The following ESRRG variants were observed in gnomAD, a reference collection of about 807,000 sequenced individuals.
ESRRG encodes the protein estrogen related receptor gamma.
ESRRG carries 13 observed loss-of-function variants against 44.0 expected under a neutral mutation model. That is an observed-to-expected ratio of 0.30 (90% CI 0.19 to 0.47). The LOEUF is 0.47. Among genes scored for constraint, ESRRG ranks in the 20% least tolerant of loss-of-function variants. The pLI, the probability that ESRRG is intolerant of heterozygous loss-of-function variation, is 1.00. For synonymous variants in ESRRG, 215 were observed against 214.6 expected (o/e 1.00, Z -0.02); for missense variants, 395 against 580.6 (o/e 0.68, Z 3.29).
chr1:216,935,635 G>A (rs1351639426), intron 2 of ESRRG, among the ~76,000 whole-genome samples: 19 of 143,492 alleles, frequency 1.3e-4, no homozygotes, highest in Middle Eastern at 3.5e-3. Context: ...TTTTTTTTTG[G>A]AGATGGAGTC....
intron 3 of ESRRG, among the ~76,000 whole-genome samples, chr1:216,587,258 A>T (rs182613887): frequency 1.3e-5 from 2 of 152,224 alleles, no homozygotes; most frequent in Non-Finnish European, 2.9e-5. Context: ...TCTCTAGTGC[A>T]TTTAGTAATG....
intron 5 of ESRRG, among the ~76,000 whole-genome samples, chr1:216,530,318 C>CTATCTATCTATT (rs2048993310): frequency 2.0e-5 from 3 of 146,736 alleles, no homozygotes; most frequent in South Asian, 2.1e-4. Context: ...ATCTATCTAT[C>CTATCTATCTATT]TATCTATCTA....
chr1:216,967,086 A>G (rs1474548752), intron 1 of ESRRG, among the ~76,000 whole-genome samples: 1 of 152,092 alleles, frequency 6.6e-6, no homozygotes, highest in Non-Finnish European at 1.5e-5. Context: ...TGTTTAGAGT[A>G]GTTTTGGTGT....
intron 2 of ESRRG, among the ~76,000 whole-genome samples, chr1:216,798,644 G>C (rs914202200): frequency 5.3e-5 from 8 of 152,128 alleles, no homozygotes; most frequent in African/African-American, 1.7e-4. Context: ...TGACTGGTTA[G>C]GAGGCCTTTG....
intron 1 of ESRRG, among the ~76,000 whole-genome samples, chr1:217,002,220 T>A (rs1465405421): frequency 3.3e-5 from 5 of 150,118 alleles, no homozygotes; most frequent in Non-Finnish European, 2.9e-5. Context: ...GAGAATCTCT[T>A]GAACCCAGGA....
intron 2 of ESRRG, among the ~76,000 whole-genome samples, chr1:216,896,934 C>T (rs930901393): frequency 5.3e-5 from 8 of 152,150 alleles, no homozygotes; most frequent in African/African-American, 1.9e-4. Flanking sequence ...GTGAACATTA[C>T]ACAGGTTAAA....
At chr1:216,646,369 T>C (rs2067583984) in intron 3 of ESRRG, among the ~76,000 whole-genome samples, 1 of 152,162 alleles carries the variant, frequency 6.6e-6, no homozygotes, top group African/African-American at 2.4e-5. Context: ...TGTCTCCTGC[T>C]AAGCATGTAC....
At chr1:216,571,620 C>CTG (rs2149671243) in intron 3 of ESRRG, among the ~76,000 whole-genome samples, 1 of 152,154 alleles carries the variant, frequency 6.6e-6, no homozygotes, top group South Asian at 2.1e-4. Flanking sequence ...ACATCCCTTC[C>CTG]TGTGTGTGTG....
intron 2 of ESRRG, among the ~76,000 whole-genome samples, chr1:216,895,472 T>A (rs1016651233): frequency 6.6e-6 from 1 of 152,296 alleles, no homozygotes; most frequent in South Asian, 2.1e-4. Flanking sequence ...AACAGGGTAG[T>A]CAGTTTAAAT....
chr1:216,529,901 C>G (rs1017638346), intron 5 of ESRRG, among the ~76,000 whole-genome samples: 17 of 151,870 alleles, frequency 1.1e-4, no homozygotes, highest in African/African-American at 4.1e-4. Flanking sequence ...CACTTGAGGT[C>G]AGGAGCTCGA....
At chr1:217,001,235 T>C (rs34710011) in intron 1 of ESRRG, among the ~76,000 whole-genome samples, 25,225 of 152,138 alleles carry the variant, frequency 0.17, 2,799 homozygotes, top group Admixed American at 0.29. Context: ...TGGAACTCTG[T>C]AAAGATATAG....
At chr1:216,631,106 T>A (rs2064097837) in intron 3 of ESRRG, among the ~76,000 whole-genome samples, 1 of 151,956 alleles carries the variant, frequency 6.6e-6, no homozygotes, top group Non-Finnish European at 1.5e-5. Context: ...AAAATCCTGA[T>A]ACTTTTCTAT....
chr1:216,824,340 G>A (rs1458702177), intron 2 of ESRRG, among the ~76,000 whole-genome samples: 2 of 152,136 alleles, frequency 1.3e-5, no homozygotes, highest in African/African-American at 4.8e-5. Context: ...CAGCTACTCA[G>A]AAGGCTAAGG....
At chr1:216,936,473 G>A (rs1344904762) in intron 2 of ESRRG, among the ~76,000 whole-genome samples, 2 of 151,912 alleles carry the variant, frequency 1.3e-5, no homozygotes, top group South Asian at 4.2e-4. Flanking sequence ...CACCTTCTTA[G>A]AGACTTTGGG....
At chr1:216,562,121 T>G (rs189231362) in intron 5 of ESRRG, among the ~76,000 whole-genome samples, 2 of 152,294 alleles carry the variant, frequency 1.3e-5, no homozygotes, top group East Asian at 3.9e-4. Context: ...TGACTTTTAT[T>G]GGTTTTTATT....
intron 1 of ESRRG, among the ~76,000 whole-genome samples, chr1:216,698,113 A>G (rs535450598): frequency 6.6e-6 from 1 of 152,300 alleles, no homozygotes; most frequent in East Asian, 1.9e-4. Context: ...GTTCTTATCC[A>G]ATGCTCAGTA....
rs540409481 is a variant in ESRRG, at chr1:216,799,031, T to C, written c.-13-121540A>G. ...GCTTGGCTATACAATTTCCAAGACC[T>C]TCTCTAGCCCTAAATGGTTAATTTT... On this transcript the variant is annotated intron_variant, in intron 2 of 7. Transcript: ENST00000359162. 5.9e-5 allele frequency among the ~76,000 whole-genome samples: 9 copies of C among 152,262 alleles called. No individual in the cohort carries two copies. In the South Asian group the frequency reaches 1.9e-3, roughly 32 times the overall value.
chr1:216,564,792 C>T (rs1384328367), intron 4 of ESRRG, among the ~76,000 whole-genome samples: 2 of 152,012 alleles, frequency 1.3e-5, no homozygotes, highest in African/African-American at 2.4e-5. Context: ...AAATATAGAT[C>T]ATAACACAGG....
At chr1:217,026,196 T>C (rs766002961) in intron 1 of ESRRG, among the ~76,000 whole-genome samples, 38 of 152,194 alleles carry the variant, frequency 2.5e-4, no homozygotes, top group Non-Finnish European at 4.9e-4. Context: ...GAGCTTGACC[T>C]GTCACCTGTG....
Sources: gnomAD v4.1 joint callset for allele counts (sites outside exome capture counted in the v4.1 genomes callset) on GRCh38, gnomAD v4.1.1 for gene constraint, MANE v1.5 for transcripts, NCBI Gene and HGNC (gene_info 2026-07-23, HGNC 2026-07-21) for gene names.